CLEC3B: variants seen among roughly 807,000 people sequenced by gnomAD.
CLEC3B encodes the protein C-type lectin domain family 3 member B, also known as tetranectin.
CLEC3B carries 13 observed loss-of-function variants against 15.4 expected under a neutral mutation model. That is an observed-to-expected ratio of 0.84 (90% CI 0.55 to 1.34). The LOEUF is 1.34. CLEC3B is among the 40% of genes most tolerant of loss of function. The pLI is 0.00. For missense variants in CLEC3B, 242 were observed against 268.6 expected (o/e 0.90, Z 0.69); for synonymous variants, 112 against 114.7 (o/e 0.98, Z 0.15).
chr3:45,026,396 C>T lies in CLEC3B; in HGVS notation c.34C>T (p.Leu12Phe), dbSNP rs1272166705. ...ELWGAYLLLC[L>F]FSLLTQVTTE... ...CTGGGGGGCCTACCTCCTCCTCTGC[C>T]TCTTCTCCCTCCTGACCCAGGTCAC... The change falls in exon 1 of 3, where the codon CTC becomes TTC. Residue 12 changes from leucine to phenylalanine, a missense_variant. Transcript: ENST00000296130. 1 of 1,614,124 alleles carries T rather than the reference C, an allele frequency of 6.2e-7. No homozygotes were observed. The highest frequency in any genetic ancestry group is 8.5e-7 in the Non-Finnish European group (1 of 1,180,026).
rs942860266 is a variant in CLEC3B at position 45,035,443 on chromosome 3, G to A, written c.209-81G>A. ...GGATAAACGGGATGGGATGGAGGAC[G>A]GTGGGCTTGGCCTGGGCGGTTGGCT... On this transcript the variant is annotated intron_variant, in intron 2 of 2. Transcript: ENST00000296130. 8 of 1,520,428 alleles carry A rather than the reference G, an allele frequency of 5.3e-6. No individual in the cohort carries two copies. The African/African-American group carries it at 8.3e-5, about 16-fold the overall frequency. 94.2% of individuals were successfully genotyped at this position (1,520,428 alleles called of 1,614,324 possible). A position where few individuals can be genotyped will look rare whatever the true frequency, so the allele number is the denominator to read the frequency against.
At chr3:45,027,402 C>T (rs1576041152) in intron 1 of CLEC3B, among the ~76,000 whole-genome samples, 1 of 152,168 alleles carries the variant, frequency 6.6e-6, no homozygotes, top group Non-Finnish European at 1.5e-5. Flanking sequence ...GCCATGGGGC[C>T]TCACAACACT....
Position 45,035,930 on chromosome 3 carries a change from G to A in CLEC3B, c.*6G>A, listed in dbSNP as rs747224501. 1 of 1,579,158 alleles carries A rather than the reference G, an allele frequency of 6.3e-7. No individual in the cohort carries two copies. The highest frequency in any genetic ancestry group is 8.6e-7 in the Non-Finnish European group (1 of 1,161,806). The stretch of plus-strand genomic sequence containing the variant: ...GCCAGTTCGGGATCGTGTAGCCGGC[G>A]GGGCGGGGGCCGTGGGGGGCCTGGA... On this transcript the variant is annotated 3_prime_UTR_variant, in exon 3 of 3. Transcript: ENST00000296130.
chr3:45,034,654 C>T (rs2125980888), intron 2 of CLEC3B: 1 of 152,320 alleles, frequency 6.6e-6, no homozygotes, highest in South Asian at 2.1e-4. Context: ...TAGATTTTAT[C>T]CTCCTAACTT....
chr3:45,026,338 C>T lies in CLEC3B; in HGVS notation c.-25C>T, dbSNP rs779743973. The T allele has an allele frequency of 1.9e-6, 3 of 1,598,548 alleles. No individual in the cohort carries two copies. Among genetic ancestry groups the T allele is most frequent in the African/African-American group, 2.7e-5 (2 of 74,614 alleles). ...TCGGACCCAGACCCGCTGCAGGCAG[C>T]AGCAGCCCCCGCCCGCGCAGCAGCA... On this transcript the variant is annotated 5_prime_UTR_variant, in exon 1 of 3. Coordinates refer to ENST00000296130, the MANE Select transcript of CLEC3B (RefSeq NM_003278.3).
In CLEC3B at chr3:45,029,812, C is replaced by A. The variant is rs976697208; in HGVS notation, c.110-1015C>A. ...TTACACACACATAGAAATATGCTTC[C>A]CGGCACCCTCAACTTACACACACAT... On this transcript the variant is annotated intron_variant, in intron 1 of 2. Transcript: ENST00000296130. Among the ~76,000 whole-genome samples, 24 of 152,294 alleles carry A rather than the reference C, an allele frequency of 1.6e-4. 1 individual carries two copies. Among genetic ancestry groups the A allele is most frequent in the Admixed American group, 1.2e-3 (18 of 15,306 alleles).
intron 1 of CLEC3B, among the ~76,000 whole-genome samples, chr3:45,029,623 T>G (rs1472976717): frequency 1.3e-5 from 2 of 152,174 alleles, no homozygotes; most frequent in African/African-American, 4.8e-5. Flanking sequence ...ACCTTATGGG[T>G]GGACGAAGGC....
rs2125981259 is a variant in CLEC3B, at chr3:45,036,025, T to G, written c.*101T>G. 3 of 1,311,292 alleles carry G rather than the reference T, an allele frequency of 2.3e-6. No individual in the cohort carries two copies. The East Asian group carries it at 7.6e-5, about 33-fold the overall frequency. 81.2% of individuals were successfully genotyped at this position (1,311,292 alleles called of 1,614,324 possible). On this transcript the variant is annotated 3_prime_UTR_variant, in exon 3 of 3. Coordinates refer to ENST00000296130, the MANE Select transcript of CLEC3B (RefSeq NM_003278.3). Reference sequence around the variant, plus strand: ...GCAGCCCCCATCCTCTCCGTGCGCTTGGAGCCTCTTTTTGCAAATAAAGTT... The same window carrying G: ...GCAGCCCCCATCCTCTCCGTGCGCTGGGAGCCTCTTTTTGCAAATAAAGTT...
At chr3:45,028,715 G>T (rs1697516242) in intron 1 of CLEC3B, among the ~76,000 whole-genome samples, 1 of 152,142 alleles carries the variant, frequency 6.6e-6, no homozygotes, top group Non-Finnish European at 1.5e-5. Context: ...GAATCTCAGG[G>T]GCAATCTAGT....
chr3:45,031,380 C>T (rs908177650), intron 2 of CLEC3B, among the ~76,000 whole-genome samples: 2 of 152,244 alleles, frequency 1.3e-5, no homozygotes, highest in Admixed American at 6.5e-5. Flanking sequence ...CTCTCTTAAT[C>T]GTAACTCTGC....
At chr3:45,031,622 G>A (rs1697555872) in intron 2 of CLEC3B, among the ~76,000 whole-genome samples, 1 of 152,220 alleles carries the variant, frequency 6.6e-6, no homozygotes, top group African/African-American at 2.4e-5. Context: ...CCAGCTGAGG[G>A]AGGGTGCACA....
rs775624449 is a variant in CLEC3B, at chr3:45,035,506, A to G, written c.209-18A>G. 7.6e-6 allele frequency: 12 copies of G among 1,572,086 alleles called. No individual in the cohort carries two copies. The African/African-American group carries it at 1.2e-4, about 16-fold the overall frequency. The stretch of plus-strand genomic sequence containing the variant: ...AACAGGGGGACCTTCGGTGACAGCC[A>G]TTTCTCCCCACTCCCAGTCTGCCTG... On this transcript the variant is annotated intron_variant, in intron 2 of 2. Transcript: ENST00000296130.
In CLEC3B at chr3:45,030,393, T is replaced by A. The variant is rs530910787; in HGVS notation, c.110-434T>A. 1.8e-4 allele frequency among the ~76,000 whole-genome samples: 28 copies of A among 152,268 alleles called. No homozygotes were observed. The South Asian group carries it at 5.6e-3, about 30-fold the overall frequency. On this transcript the variant is annotated intron_variant, in intron 1 of 2. Coordinates refer to ENST00000296130, the MANE Select transcript of CLEC3B (RefSeq NM_003278.3). ...CTGTGGCACCTCCAAGCCCTGCATATGCGTGCCCCAGGCTGGAGTGCCTGC... is the reference window on the plus strand; with the variant it reads ...CTGTGGCACCTCCAAGCCCTGCATAAGCGTGCCCCAGGCTGGAGTGCCTGC...
In CLEC3B at chr3:45,035,757, A is replaced by G; in HGVS notation, c.442A>G (p.Thr148Ala). The change falls in exon 3 of 3, where the codon ACC becomes GCC. Residue 148 changes from threonine to alanine, a missense_variant. Transcript: ENST00000296130. ...MAAEGTWVDMTGARIAYKNWE... is the reference protein window; with the variant it reads ...MAAEGTWVDMAGARIAYKNWE... The stretch of plus-strand genomic sequence containing the variant: ...GGCCGAGGGCACCTGGGTGGACATG[A>G]CCGGCGCCCGCATCGCCTACAAGAA... The G allele has an allele frequency of 1.2e-6, 2 of 1,613,588 alleles. No individual in the cohort carries two copies.
At chr3:45,026,949 AAAG>A (rs1337879466) in intron 1 of CLEC3B, among the ~76,000 whole-genome samples, 2 of 152,246 alleles carry the variant, frequency 1.3e-5, no homozygotes, top group East Asian at 1.9e-4. Flanking sequence ...GGGAAAAGAA[AAAG>A]AAGAAGAAAT....
At chr3:45,031,006 C>A in intron 2 of CLEC3B, 81 bp downstream of exon 2, 2 of 962,770 alleles carry the variant, frequency 2.1e-6, no homozygotes, top group Non-Finnish European at 3.1e-6. Context: ...CTCTTCTCGC[C>A]TCCGTTCAGC....
chr3:45,032,584 GCCCTTGT>G (rs1301770896), intron 2 of CLEC3B, among the ~76,000 whole-genome samples: 1 of 152,082 alleles, frequency 6.6e-6, no homozygotes, highest in African/African-American at 2.4e-5. Flanking sequence ...GCTTTTCATT[GCCCTTGT>G]CTCTTCCACT....
intron 2 of CLEC3B, among the ~76,000 whole-genome samples, chr3:45,032,762 A>G (rs1367303660): frequency 6.6e-6 from 1 of 152,230 alleles, no homozygotes; most frequent in Non-Finnish European, 1.5e-5. Flanking sequence ...TTCATGTAAT[A>G]GGAAACCTAT....
At chr3:45,027,507 A>C (rs1240163336) in intron 1 of CLEC3B, among the ~76,000 whole-genome samples, 1 of 152,256 alleles carries the variant, frequency 6.6e-6, no homozygotes, top group Non-Finnish European at 1.5e-5. Flanking sequence ...AAAGAGAATG[A>C]GTATGATGCT....
Sources: allele counts gnomAD v4.1 joint callset (sites outside exome capture counted in the v4.1 genomes callset), GRCh38; gene constraint gnomAD v4.1.1; transcripts MANE v1.5; gene names NCBI Gene and HGNC (gene_info 2026-07-23, HGNC 2026-07-21).